C1QTNF5: variants seen among roughly 807,000 people sequenced by gnomAD.
C1QTNF5 encodes complement C1q tumor necrosis factor-related protein 5.
Under a neutral mutation model 10.9 loss-of-function variants are expected in C1QTNF5, and 5 were observed. The observed-to-expected ratio is 0.46, with a 90% CI of 0.24 to 0.97. C1QTNF5 has a LOEUF of 0.97. C1QTNF5 is among the 50% of genes least tolerant of loss of function. The probability of loss-of-function intolerance (pLI) is 0.19; values close to 1 mark genes in which losing one functional copy is unlikely to be tolerated. For synonymous variants in C1QTNF5, 161 were observed against 156.5 expected (o/e 1.03, Z -0.22); for missense variants, 281 against 339.4 (o/e 0.83, Z 1.35).
chr11:119,346,025 A>C, the C1QTNF5 span: 2 of 1,612,710 alleles, frequency 1.2e-6, no homozygotes. Flanking sequence ...CCCTCGTTTC[A>C]AGCTGTCCCC....
At position 119,340,165 on chromosome 11, in the gene C1QTNF5, C is replaced by CTA; in HGVS notation, c.214+18_214+19insTA. 1 of 1,509,108 alleles carries CTA rather than the reference C, an allele frequency of 6.6e-7. No individual in the cohort carries two copies. The highest frequency in any genetic ancestry group is 1.3e-5 in the South Asian group (1 of 79,894). 93.5% of individuals were successfully genotyped at this position (1,509,108 alleles called of 1,614,324 possible). A position where few individuals can be genotyped will look rare whatever the true frequency, so the allele number is the denominator to read the frequency against. On this transcript the variant is annotated intron_variant, in intron 2 of 2. Coordinates refer to ENST00000528368, the MANE Select transcript of C1QTNF5 (RefSeq NM_001278431.2). ...CTGCTCGGACATCGCCACCGATAGC[C>CTA]GCGGCGGTGCCTTCTTACCCGGCCT...
At chr11:119,344,568 T>C, upstream of C1QTNF5, 5 of 1,612,672 alleles carry the variant, frequency 3.1e-6, no homozygotes, top group Non-Finnish European at 4.2e-6. Flanking sequence ...GGACCAGAGC[T>C]GGGGAGCCCA....
At chr11:119,344,049 C>T (rs1950531862), upstream of C1QTNF5, 1 of 1,555,608 alleles carries the variant, frequency 6.4e-7, no homozygotes, top group Non-Finnish European at 8.8e-7. Context: ...TCCCCCACTG[C>T]TGGCTGGGGG....
At chr11:119,343,803 C>A (rs375934498), upstream of C1QTNF5, 122 of 1,613,702 alleles carry the variant, frequency 7.6e-5, no homozygotes, top group Non-Finnish European at 1.0e-4. Context: ...TGGCTCTTCC[C>A]TGGCTCCTGT....
chr11:119,345,134 C>G (rs75286105), upstream of C1QTNF5: 372 of 1,238,778 alleles, frequency 3.0e-4, 2 homozygotes, highest in East Asian at 9.1e-3. Context: ...AAAGGCTCCT[C>G]TGATGTCCCA....
chr11:119,345,129 CT>C, upstream of C1QTNF5: 1 of 1,292,978 alleles, frequency 7.7e-7, no homozygotes, highest in Non-Finnish European at 1.1e-6. Flanking sequence ...GTCAAAAAGG[CT>C]CCTCTGATGT....
chr11:119,339,976 G>T lies in C1QTNF5; in HGVS notation c.215-128C>A. On this transcript the variant is annotated intron_variant, in intron 2 of 2. Transcript: ENST00000528368. The surrounding 1 kb of genome is among the most constrained non-coding windows in gnomAD (Gnocchi z 5.4). ...TTCGGCCAGCGCCTCCTCCCGCACGGGTACCTCCTCCACCCCTTCCCGCAG... is the reference window on the plus strand; with the variant it reads ...TTCGGCCAGCGCCTCCTCCCGCACGTGTACCTCCTCCACCCCTTCCCGCAG... The T allele has an allele frequency of 7.5e-7, 1 of 1,329,116 alleles. No individual in the cohort carries two copies. The highest frequency in any genetic ancestry group is 1.5e-5 in the African/African-American group (1 of 64,882). 82.3% of individuals were successfully genotyped at this position (1,329,116 alleles called of 1,614,324 possible). A position where few individuals can be genotyped will look rare whatever the true frequency, so the allele number is the denominator to read the frequency against.
rs61900004 is a variant in C1QTNF5 at position 119,340,052 on chromosome 11, C to G, written c.214+132G>C. The G allele has an allele frequency of 7.9e-3, 10,174 of 1,290,270 alleles. 45 individuals carry two copies. Among genetic ancestry groups the G allele is most frequent in the Non-Finnish European group, 9.2e-3 (9,043 of 986,562 alleles). The allele number at this position is 1,290,270 out of a possible 1,614,324, so 79.9% of individuals were successfully genotyped here. ...GGGCTCCCGCCGCCTGGGCCCCTCCCCCGCTCAGGGCTGCAAAGCGCGGGG... is the reference window on the plus strand; with the variant it reads ...GGGCTCCCGCCGCCTGGGCCCCTCCGCCGCTCAGGGCTGCAAAGCGCGGGG... On this transcript the variant is annotated intron_variant, in intron 2 of 2. Coordinates refer to ENST00000528368, the MANE Select transcript of C1QTNF5 (RefSeq NM_001278431.2).
upstream of C1QTNF5, chr11:119,344,266 G>T (rs117790326): frequency 4.7e-3 from 7,193 of 1,543,958 alleles, 18 homozygotes; most frequent in Non-Finnish European, 5.6e-3. Flanking sequence ...TTGGGGATCA[G>T]GTGCTTCCGT....
Position 119,339,909 on chromosome 11 carries a change from CG to C in C1QTNF5, c.215-62del. 1.4e-6 allele frequency: 2 copies of C among 1,427,998 alleles called. No individual in the cohort carries two copies. The highest frequency in any genetic ancestry group is 1.8e-6 in the Non-Finnish European group (2 of 1,097,734). 88.5% of individuals were successfully genotyped at this position (1,427,998 alleles called of 1,614,324 possible). On this transcript the variant is annotated intron_variant, in intron 2 of 2. Transcript: ENST00000528368. The surrounding 1 kb of genome is among the most constrained non-coding windows in gnomAD (Gnocchi z 5.4). ...GGCGGCTCAGCCCGCAGCGGGGCGG[CG>C]ACTCTAAGGTCACCGTACCCCTCCC...
At position 119,339,678 on chromosome 11, in the gene C1QTNF5, G is replaced by A; in HGVS notation, c.385C>T (p.Leu129=). 1.2e-6 allele frequency: 2 copies of A among 1,610,612 alleles called. No homozygotes were observed. Among genetic ancestry groups the A allele is most frequent in the Middle Eastern group, 1.7e-4 (1 of 6,060 alleles). ...TCGTAATGTCCCTGCTCGTTCACCA[G>A]CACGCGGTCGAAGGGCAAGGGTGCG... The part of the protein sequence containing the change: ...SDAPLPFDRV[L]VNEQGHYDAV... The change falls in exon 3 of 3, where the codon CTG becomes TTG. Residue 129 remains leucine, a synonymous_variant. Coordinates refer to ENST00000528368, the MANE Select transcript of C1QTNF5 (RefSeq NM_001278431.2). The surrounding 1 kb of genome is among the most constrained non-coding windows in gnomAD (Gnocchi z 5.4).
At chr11:119,342,614 G>A (rs1248472934), upstream of C1QTNF5, 3 of 1,613,294 alleles carry the variant, frequency 1.9e-6, no homozygotes, top group African/African-American at 2.7e-5. Context: ...GGGAACAAGG[G>A]GCCGCTGCAG....
upstream of C1QTNF5, chr11:119,343,115 A>G (rs1012546773): frequency 6.8e-6 from 9 of 1,331,058 alleles, no homozygotes; most frequent in African/African-American, 2.9e-5. Context: ...GCCAAAGGTG[A>G]TGGAAGACAC....
At chr11:119,342,911 C>T (rs779992611), upstream of C1QTNF5, 2 of 1,613,054 alleles carry the variant, frequency 1.2e-6, no homozygotes, top group Non-Finnish European at 1.7e-6. Context: ...GGCTGAGAAG[C>T]CTCCACTGCT....
chr11:119,343,089 G>A (rs1377304743), upstream of C1QTNF5: 1 of 1,511,612 alleles, frequency 6.6e-7, no homozygotes, highest in Non-Finnish European at 8.9e-7. Context: ...GCTCTGAGCT[G>A]GGAGCCCTGG....
upstream of C1QTNF5, chr11:119,344,327 G>T (rs1167585354): frequency 6.2e-7 from 1 of 1,614,010 alleles, no homozygotes; most frequent in Non-Finnish European, 8.5e-7. Flanking sequence ...GTTGGTGAGG[G>T]TACTGCTGCA....
At chr11:119,343,997 C>T (rs373567907), upstream of C1QTNF5, 5 of 1,609,136 alleles carry the variant, frequency 3.1e-6, no homozygotes, top group Admixed American at 1.7e-5. Flanking sequence ...CAATTCATGG[C>T]CCCTTCTCCT....
Position 119,340,231 on chromosome 11 carries a change from T to C in C1QTNF5, c.167A>G (p.Asp56Gly), listed in dbSNP as rs781447214. ...LPGRDGRDGR[D>G]GAPGAPGEKG... ...CTCTCCCGGAGCCCCGGGCGCGCCG[T>C]CGCGGCCGTCGCGGCCATCGCGGCC... Residue 56 changes from aspartate to glycine, a missense_variant, in exon 2 of 3, where the codon GAC (aspartate) becomes GGC (glycine). Physicochemically the swap from Asp to Gly is moderately conservative, Grantham distance 94. Transcript: ENST00000528368. 1.3e-5 allele frequency: 20 copies of C among 1,512,490 alleles called. 1 individual carries two copies. The South Asian group carries it at 2.5e-4, about 19-fold the overall frequency. 93.7% of individuals were successfully genotyped at this position (1,512,490 alleles called of 1,614,324 possible).
rs1194835337 is a variant in C1QTNF5 at position 119,340,423 on chromosome 11, C to A, written c.-26G>T. The A allele has an allele frequency of 6.5e-7, 1 of 1,539,210 alleles. No individual in the cohort carries two copies. The highest frequency in any genetic ancestry group is 1.4e-5 in the African/African-American group (1 of 72,570). On this transcript the variant is annotated 5_prime_UTR_variant, in exon 2 of 3. Coordinates refer to ENST00000528368, the MANE Select transcript of C1QTNF5 (RefSeq NM_001278431.2). ...AGCGCTGGCACCGGGAGCCCGGACG[C>A]CGGGGTCCTCTCGCAGTCTGTGGAC...
Sources: allele counts gnomAD v4.1 joint callset, GRCh38; gene constraint gnomAD v4.1.1; non-coding constraint Gnocchi (gnomAD v3.1); transcripts MANE v1.5; gene names NCBI Gene and HGNC (gene_info 2026-07-23, HGNC 2026-07-21).